The following VEPH1 variants were observed in gnomAD, a reference collection of about 807,000 sequenced individuals.
VEPH1 encodes ventricular zone expressed PH domain containing 1.
Under a neutral mutation model 85.2 loss-of-function variants are expected in VEPH1, and 80 were observed. The observed-to-expected ratio is 0.94, with a 90% CI of 0.78 to 1.13. The LOEUF (loss-of-function observed/expected upper bound fraction) is 1.13. Ranked by LOEUF, VEPH1 falls within the 50% of genes most tolerant of loss-of-function variation. VEPH1 has a pLI of 0.00. For synonymous variants in VEPH1, 297 were observed against 348.0 expected (o/e 0.85, Z 1.63); for missense variants, 955 against 980.5 (o/e 0.97, Z 0.35).
At chr3:157,294,614 T>C (rs943390677) in intron 11 of VEPH1, among the ~76,000 whole-genome samples, 3 of 152,262 alleles carry the variant, frequency 2.0e-5, no homozygotes, top group Admixed American at 1.3e-4. Flanking sequence ...GATGTAATGA[T>C]GAATATTCTT....
chr3:157,412,570 A>T (rs547602180), intron 6 of VEPH1, among the ~76,000 whole-genome samples: 1 of 152,278 alleles, frequency 6.6e-6, no homozygotes, highest in African/African-American at 2.4e-5. Flanking sequence ...GCCTAATAAC[A>T]CTCAGGCATA....
Position 157,413,916 on chromosome 3 carries a change from C to A in VEPH1, c.871G>T (p.Ala291Ser). The stretch of plus-strand genomic sequence containing the variant: ...TGCCCAACAGCTCCATAAATCCTTG[C>A]CATCTGTCCAGTGAGGTAGGGGAAT... ...ERFPYLTGQM[A>S]RIYGAVGHVD... Residue 291 changes from alanine (A) to serine (S), a missense_variant, in exon 6 of 14, where the codon GCA becomes TCA. Ala to Ser is a moderately conservative substitution (Grantham distance 99). Coordinates refer to ENST00000362010, the MANE Select transcript of VEPH1 (RefSeq NM_001167912.2). 6.2e-7 allele frequency: 1 copy of A among 1,613,558 alleles called. No individual in the cohort carries two copies. The highest frequency in any genetic ancestry group is 8.5e-7 in the Non-Finnish European group (1 of 1,179,656).
At chr3:157,338,935 T>C (rs1723233114) in intron 9 of VEPH1, among the ~76,000 whole-genome samples, 1 of 152,216 alleles carries the variant, frequency 6.6e-6, no homozygotes, top group Admixed American at 6.5e-5. Flanking sequence ...TTGTGCCTAG[T>C]GCTGTGCCAG....
At chr3:157,447,131 T>G (rs1010532754) in intron 4 of VEPH1, among the ~76,000 whole-genome samples, 2 of 152,184 alleles carry the variant, frequency 1.3e-5, no homozygotes, top group African/African-American at 2.4e-5. Context: ...AATAAATGAA[T>G]GTAAGGATTC....
chr3:157,387,748 G>C (rs1729451537), intron 6 of VEPH1, among the ~76,000 whole-genome samples: 1 of 152,188 alleles, frequency 6.6e-6, no homozygotes, highest in South Asian at 2.1e-4. Context: ...CTGGAAAGCT[G>C]TTAAAACTAT....
chr3:157,265,735 C>T, intron 12 of VEPH1, 73 bp from the exon 13 acceptor site: 4 of 1,544,620 alleles, frequency 2.6e-6, no homozygotes, highest in African/African-American at 1.4e-5. Context: ...AAAGTCAGAA[C>T]TGTACAGTGT....
intron 6 of VEPH1, among the ~76,000 whole-genome samples, chr3:157,391,530 C>T (rs1247251289): frequency 6.6e-6 from 1 of 152,190 alleles, no homozygotes; most frequent in Admixed American, 6.5e-5. Flanking sequence ...TTACCAGCGG[C>T]ATGGCTGCAC....
intron 9 of VEPH1, among the ~76,000 whole-genome samples, chr3:157,324,597 G>T (rs996615695): frequency 6.6e-6 from 1 of 151,318 alleles, no homozygotes; most frequent in South Asian, 2.1e-4. Flanking sequence ...TTGGTTTCCT[G>T]TTCCTGCATT....
intron 6 of VEPH1, among the ~76,000 whole-genome samples, chr3:157,412,446 A>G (rs1430791575): frequency 1.3e-5 from 2 of 152,160 alleles, no homozygotes; most frequent in African/African-American, 4.8e-5. Flanking sequence ...AATTGCAGAA[A>G]GAGTTCACTT....
chr3:157,483,868 A>G (rs1738375862), intron 2 of VEPH1, among the ~76,000 whole-genome samples: 1 of 152,214 alleles, frequency 6.6e-6, no homozygotes, highest in African/African-American at 2.4e-5. Context: ...TGGATGCACA[A>G]CTGAGTGAAT....
rs190672453 is a variant in VEPH1, at chr3:157,445,884, T to C, written c.529+14297A>G. Among the ~76,000 whole-genome samples the C allele has an allele frequency of 1.1e-3, 170 of 152,300 alleles. 1 individual carries two copies. Among genetic ancestry groups the C allele is most frequent in the Non-Finnish European group, 1.1e-3 (72 of 68,032 alleles). On this transcript the variant is annotated intron_variant, in intron 4 of 13. Transcript: ENST00000362010. ...TAACCTAAACTTGGAAAATGCATTT[T>C]ACAAATTCTCAGGAAGTTGGATATC...
intron 6 of VEPH1, 41 bp downstream of exon 6, chr3:157,413,840 A>C: frequency 1.9e-6 from 3 of 1,591,326 alleles, no homozygotes; most frequent in Non-Finnish European, 1.7e-6. Flanking sequence ...ATTAAGTGCC[A>C]GTGCAATTCA....
intron 2 of VEPH1, among the ~76,000 whole-genome samples, chr3:157,478,175 G>T (rs868586664): frequency 3.9e-5 from 6 of 152,120 alleles, no homozygotes; most frequent in African/African-American, 1.4e-4. Flanking sequence ...CCAATGACTA[G>T]TCATCATGGA....
intron 4 of VEPH1, chr3:157,443,158 T>C: frequency 5.6e-6 from 4 of 708,530 alleles, no homozygotes; most frequent in South Asian, 2.7e-5. Context: ...AGGAAAGACA[T>C]TGGAAAAAGC....
At chr3:157,285,895 A>T (rs1237469439) in intron 12 of VEPH1, among the ~76,000 whole-genome samples, 1 of 152,174 alleles carries the variant, frequency 6.6e-6, no homozygotes, top group Non-Finnish European at 1.5e-5. Flanking sequence ...CAGTTTCCTC[A>T]TCAGTAAAGC....
chr3:157,298,598 T>G (rs1032054102), intron 11 of VEPH1, among the ~76,000 whole-genome samples: 2 of 152,132 alleles, frequency 1.3e-5, no homozygotes, highest in Non-Finnish European at 2.9e-5. Context: ...TCAGTCCTAG[T>G]GAAAGACCAT....
chr3:157,486,618 A>G (rs1219315470), intron 2 of VEPH1, among the ~76,000 whole-genome samples: 1 of 152,090 alleles, frequency 6.6e-6, no homozygotes, highest in Non-Finnish European at 1.5e-5. Flanking sequence ...TAGCCTTTCT[A>G]TGTCTGTTTC....
At chr3:157,312,643 ATTC>A (rs1462596785) in intron 11 of VEPH1, among the ~76,000 whole-genome samples, 1 of 152,080 alleles carries the variant, frequency 6.6e-6, no homozygotes, top group Non-Finnish European at 1.5e-5. Flanking sequence ...GTCATCCTGG[ATTC>A]TTCTATTTTT....
chr3:157,365,519 G>C (rs1485653532), intron 7 of VEPH1, among the ~76,000 whole-genome samples: 3 of 151,766 alleles, frequency 2.0e-5, no homozygotes, highest in Admixed American at 2.0e-4. Context: ...TAACACTAAC[G>C]ACCTGGAATT....
Sources: gnomAD v4.1 joint callset for allele counts (sites outside exome capture counted in the v4.1 genomes callset) on GRCh38, gnomAD v4.1.1 for gene constraint, MANE v1.5 for transcripts, NCBI Gene and HGNC (gene_info 2026-07-23, HGNC 2026-07-21) for gene names.